The following THAP4 variants were observed in gnomAD, a reference collection of about 807,000 sequenced individuals.
The protein encoded by THAP4 is peroxynitrite isomerase THAP4.
In THAP4, 18 loss-of-function variants were observed where a neutral mutation model predicts 48.1. The observed-to-expected ratio is 0.37, with a 90% CI of 0.26 to 0.56. The LOEUF is 0.56. THAP4 is among the 20% of genes least tolerant of loss of function. The pLI is 0.78. For missense variants in THAP4, 656 were observed against 774.9 expected, an observed-to-expected ratio of 0.85 and a Z score of 1.82; for synonymous variants, 345 against 324.9, an observed-to-expected ratio of 1.06 and a Z score of -0.66.
chr2:241,600,554 C>T (rs1317142172), intron 5 of THAP4, among the ~76,000 whole-genome samples: 3 of 151,646 alleles, frequency 2.0e-5, no homozygotes, highest in Admixed American at 1.3e-4. Flanking sequence ...AGCGAAACCC[C>T]GTCTCTACTA....
intron 4 of THAP4, chr2:241,602,212 G>GC: frequency 1.7e-6 from 1 of 586,578 alleles, no homozygotes. Context: ...TCTATGGAAG[G>GC]CCACCCTCTC....
At position 241,628,756 on chromosome 2, in the gene THAP4, AAAAAAAAC is replaced by A. The variant is rs1319372324; in HGVS notation, c.1240+4153_1240+4160del. 4.0e-4 allele frequency among the ~76,000 whole-genome samples: 60 copies of A among 150,526 alleles called. 1 individual carries two copies. The highest frequency in any genetic ancestry group is 3.0e-3 in the East Asian group (15 of 5,046). ...CTCTACAAAAAAAAAAACAAAAAACAAAAAAAACAAAAAAACAAAAAAACACACAAAAA... is the reference window on the plus strand; with the variant it reads ...CTCTACAAAAAAAAAAACAAAAAACAAAAAAAACAAAAAAACACACAAAAA... On this transcript the variant is annotated intron_variant, in intron 2 of 5. Coordinates refer to ENST00000407315, the MANE Select transcript of THAP4 (RefSeq NM_015963.6).
At chr2:241,627,786 C>T (rs1412212147) in intron 2 of THAP4, among the ~76,000 whole-genome samples, 3 of 152,170 alleles carry the variant, frequency 2.0e-5, no homozygotes, top group Admixed American at 2.0e-4. Flanking sequence ...CTCCCCACCA[C>T]ACCCTCGCTC....
chr2:241,595,800 G>A (rs2067039857), intron 5 of THAP4, among the ~76,000 whole-genome samples: 1 of 152,156 alleles, frequency 6.6e-6, no homozygotes, highest in African/African-American at 2.4e-5. Context: ...AGGGTGACAT[G>A]AGAATCTGGG....
At chr2:241,592,630 C>T (rs2066999014) in intron 5 of THAP4, among the ~76,000 whole-genome samples, 1 of 152,234 alleles carries the variant, frequency 6.6e-6, no homozygotes, top group Non-Finnish European at 1.5e-5. Flanking sequence ...CCAGCCTGAT[C>T]CCCCAGATGC....
At chr2:241,619,877 G>A (rs2067397819) in intron 2 of THAP4, among the ~76,000 whole-genome samples, 1 of 86,242 alleles carries the variant, frequency 1.2e-5, no homozygotes, top group Non-Finnish European at 2.4e-5. Context: ...CGGTGAGTGA[G>A]GGGTGAGTGA....
chr2:241,590,366 A>G (rs201561230), intron 5 of THAP4, among the ~76,000 whole-genome samples: 804 of 54,686 alleles, frequency 0.015, no homozygotes, highest in African/African-American at 0.027. Flanking sequence ...GACACTCAGA[A>G]CTGCCCGGCT....
chr2:241,585,930 G>GAAAAAAAAAAAAAAAAAAAAAAAA (rs1247935159), intron 5 of THAP4, among the ~76,000 whole-genome samples: 2 of 108,994 alleles, frequency 1.8e-5, no homozygotes, highest in Non-Finnish European at 3.6e-5. Context: ...AAAAAAAAAA[G>GAAAAAAAAAAAAAAAAAAAAAAAA]AAAAAAAAAA....
In THAP4 at chr2:241,606,413, G is replaced by C; in HGVS notation, c.1301C>G (p.Ser434Trp). ...PLSWMLGTWL[S>W]DPPGAGTYPT... ...GTAGGTCCCGGCTCCAGGTGGGTCCGACAGCCAGGTGCCCAGCATCCAGGA... is the reference window on the plus strand; with the variant it reads ...GTAGGTCCCGGCTCCAGGTGGGTCCCACAGCCAGGTGCCCAGCATCCAGGA... The change falls in exon 3 of 6, where the codon TCG becomes TGG. Residue 434 changes from serine to tryptophan, a missense_variant. By Grantham distance (177) the Ser-to-Trp change is radical. Around this residue, in one of 4 missense-constraint regions of THAP4, gnomAD observed 176 missense variants for 256.7 expected, o/e 0.69. Transcript: ENST00000407315. The C allele has an allele frequency of 6.2e-7, 1 of 1,606,732 alleles. No homozygotes were observed. The highest frequency in any genetic ancestry group is 8.5e-7 in the Non-Finnish European group (1 of 1,176,684).
chr2:241,620,414 G>A (rs1393838294), intron 2 of THAP4, among the ~76,000 whole-genome samples: 3 of 129,086 alleles, frequency 2.3e-5, no homozygotes, highest in South Asian at 2.9e-4. Context: ...AGAGTGAGTC[G>A]GTGAGTGAGG....
intron 5 of THAP4, among the ~76,000 whole-genome samples, chr2:241,600,727 C>CAA (rs35546566): frequency 0.054 from 4,796 of 88,628 alleles, 247 homozygotes; most frequent in East Asian, 0.18. Flanking sequence ...GACTCCGTCT[C>CAA]AAAAAAAAAA....
intron 2 of THAP4, among the ~76,000 whole-genome samples, chr2:241,621,361 T>A (rs929318708): frequency 1.3e-5 from 2 of 151,940 alleles, no homozygotes; most frequent in Non-Finnish European, 2.9e-5. Flanking sequence ...ATAATAGTAA[T>A]AATAATAAAA....
Position 241,633,377 on chromosome 2 carries a change from C to T in THAP4, c.780G>A (p.Arg260=), listed in dbSNP as rs749540236. The T allele has an allele frequency of 9.9e-6, 16 of 1,613,034 alleles. No individual in the cohort carries two copies. The highest frequency in any genetic ancestry group is 1.2e-5 in the Non-Finnish European group (14 of 1,179,998). ...AGCTTGGTTCCACATCTTTCTTCAG[C>T]CTCTTGCGGTCAATGGGCTCTCGGG... ...SVPREPIDRK[R]LKKDVEPSCS... is the part of the protein sequence containing the mutation. Residue 260 remains arginine (R), a synonymous_variant, in exon 2 of 6, where the codon AGG becomes AGA. Coordinates refer to ENST00000407315, the MANE Select transcript of THAP4 (RefSeq NM_015963.6). This position sits in a 1 kb window ranked among gnomAD's most constrained non-coding sequence, Gnocchi z 7.5.
intron 2 of THAP4, among the ~76,000 whole-genome samples, chr2:241,622,324 C>T (rs185938369): frequency 5.9e-5 from 9 of 152,180 alleles, no homozygotes; most frequent in African/African-American, 2.2e-4. Flanking sequence ...GAGATGATCA[C>T]GCCACTGCAC....
intron 5 of THAP4, among the ~76,000 whole-genome samples, chr2:241,594,147 T>TA (rs1423884706): frequency 6.6e-6 from 1 of 152,136 alleles, no homozygotes; most frequent in African/African-American, 2.4e-5. Context: ...AACCTTACAC[T>TA]AAGTGACAGT....
intron 5 of THAP4, among the ~76,000 whole-genome samples, chr2:241,590,497 G>A (rs2066950222): frequency 6.7e-6 from 1 of 149,478 alleles, no homozygotes; most frequent in East Asian, 2.0e-4. Flanking sequence ...CTCGGCTGAT[G>A]ATAATGGGCA....
intron 2 of THAP4, among the ~76,000 whole-genome samples, chr2:241,615,102 A>C (rs2067322569): frequency 6.6e-6 from 1 of 152,152 alleles, no homozygotes; most frequent in South Asian, 2.1e-4. Context: ...GAAAAGAAAG[A>C]AGCCAGACAA....
In THAP4 at chr2:241,601,714, G is replaced by C. The variant is rs958344041; in HGVS notation, c.1614+182C>G. On this transcript the variant is annotated intron_variant, in intron 5 of 5. Coordinates refer to ENST00000407315, the MANE Select transcript of THAP4 (RefSeq NM_015963.6). This position sits in a 1 kb window ranked among gnomAD's most constrained non-coding sequence, Gnocchi z 4.0. ...ACACCACTGACCAGCCGAGGAGGGGGCAATGAATTTAGGGAACATCCACCC... is the reference window on the plus strand; with the variant it reads ...ACACCACTGACCAGCCGAGGAGGGGCCAATGAATTTAGGGAACATCCACCC... 44 of 1,122,060 alleles carry C rather than the reference G, an allele frequency of 3.9e-5. No individual in the cohort carries two copies. The highest frequency in any genetic ancestry group is 5.3e-5 in the Non-Finnish European group (42 of 798,892). The allele number at this position is 1,122,060 out of a possible 1,614,324, so 69.5% of individuals were successfully genotyped here. A position where few individuals can be genotyped will look rare whatever the true frequency, so the allele number is the denominator to read the frequency against.
At position 241,633,514 on chromosome 2, in the gene THAP4, C is replaced by T. The variant is rs925807838; in HGVS notation, c.643G>A (p.Gly215Ser). The change falls in exon 2 of 6, where the codon GGC becomes AGC. Residue 215 changes from glycine to serine, a missense_variant. Around this residue, in one of 4 missense-constraint regions of THAP4, gnomAD observed 391 missense variants for 412.4 expected, o/e 0.95. Transcript: ENST00000407315. This position sits in a 1 kb window ranked among gnomAD's most constrained non-coding sequence, Gnocchi z 7.5. ...GGCGTAAAGTCATCCATAGAAATGC[C>T]ACTCTTATCTGTCACGCCCCCTTCG... The part of the protein sequence containing the change: ...SIEGGVTDKS[G>S]ISMDDFTPPG... 7 of 1,614,018 alleles carry T rather than the reference C, an allele frequency of 4.3e-6. No homozygotes were observed. Among genetic ancestry groups the T allele is most frequent in the African/African-American group, 4.0e-5 (3 of 74,926 alleles).
Sources: gnomAD v4.1 joint callset for allele counts (sites outside exome capture counted in the v4.1 genomes callset) on GRCh38, gnomAD v4.1.1 for gene constraint, gnomAD v4.1.1 regional missense constraint, Gnocchi (gnomAD v3.1) non-coding constraint, MANE v1.5 for transcripts, NCBI Gene and HGNC (gene_info 2026-07-23, HGNC 2026-07-21) for gene names.